The following SOBP variants were observed in gnomAD, a reference collection of about 807,000 sequenced individuals.
SOBP encodes sine oculis binding protein homolog, also known as sine oculis-binding protein homolog.
Under a neutral mutation model 53.6 loss-of-function variants are expected in SOBP, and 4 were observed. The ratio of observed to expected loss-of-function variants is 0.07; its 90% CI spans 0.04 to 0.17. The LOEUF (loss-of-function observed/expected upper bound fraction) is 0.17. SOBP is among the 10% of genes least tolerant of loss of function. The pLI is 1.00. For synonymous variants in SOBP, 584 were observed against 522.6 expected, an observed-to-expected ratio of 1.12 and a Z score of -1.60; for missense variants, 1,088 against 1,204.7, an observed-to-expected ratio of 0.90 and a Z score of 1.43.
intron 3 of SOBP, among the ~76,000 whole-genome samples, chr6:107,519,536 C>T (rs1266878047): frequency 6.6e-6 from 1 of 152,154 alleles, no homozygotes; most frequent in Non-Finnish European, 1.5e-5. Context: ...ATACGTCTCT[C>T]GCTTCCTGCT....
chr6:107,610,267 C>T (rs1786541191), intron 5 of SOBP, among the ~76,000 whole-genome samples: 1 of 152,168 alleles, frequency 6.6e-6, no homozygotes. Context: ...CAAGACAGCC[C>T]ACCCAGGGCT....
At chr6:107,654,521 C>T (rs896070712) in intron 6 of SOBP, among the ~76,000 whole-genome samples, 3 of 152,186 alleles carry the variant, frequency 2.0e-5, no homozygotes, top group Non-Finnish European at 2.9e-5. Context: ...AGTTCATGGG[C>T]TTCCTTGTAT....
chr6:107,587,957 T>C (rs910496622), intron 5 of SOBP, among the ~76,000 whole-genome samples: 1 of 152,216 alleles, frequency 6.6e-6, no homozygotes, highest in Admixed American at 6.5e-5. Flanking sequence ...ATTTAGAGAT[T>C]CAAACACTCC....
intron 1 of SOBP, among the ~76,000 whole-genome samples, chr6:107,495,738 G>A (rs1304926048): frequency 6.6e-6 from 1 of 152,152 alleles, no homozygotes; most frequent in Non-Finnish European, 1.5e-5. Context: ...CTCTCTAAAA[G>A]GGAGAGTTCT....
At chr6:107,538,411 A>G (rs1420558954) in intron 4 of SOBP, among the ~76,000 whole-genome samples, 1 of 152,218 alleles carries the variant, frequency 6.6e-6, no homozygotes, top group Admixed American at 6.5e-5. Context: ...ATTACTTGCA[A>G]TTAATGTCCC....
intron 3 of SOBP, among the ~76,000 whole-genome samples, chr6:107,532,271 A>C (rs9486643): frequency 4.5e-4 from 51 of 113,776 alleles, no homozygotes; most frequent in African/African-American, 1.4e-3. Flanking sequence ...ACACACACAC[A>C]CCACACACAC....
chr6:107,548,708 G>A (rs1784377859), intron 4 of SOBP, among the ~76,000 whole-genome samples: 2 of 151,970 alleles, frequency 1.3e-5, no homozygotes, highest in African/African-American at 4.8e-5. Context: ...AGGCTGAGGT[G>A]GGAGGATCAC....
chr6:107,573,922 A>G lies in SOBP; in HGVS notation c.574-13158A>G, dbSNP rs542075315. Reference sequence around the variant, plus strand: ...CATTGAACTTAAAAAATTAAAATGTATGGAGCATGTGGGCTGAATACCATT... The same window carrying G: ...CATTGAACTTAAAAAATTAAAATGTGTGGAGCATGTGGGCTGAATACCATT... On this transcript the variant is annotated intron_variant, in intron 4 of 6. Transcript: ENST00000317357. 3.3e-5 allele frequency among the ~76,000 whole-genome samples: 5 copies of G among 152,320 alleles called. No homozygotes were observed. In the South Asian group the frequency reaches 6.2e-4, roughly 19 times the overall value.
chr6:107,538,082 T>C (rs1784054509), intron 4 of SOBP, among the ~76,000 whole-genome samples: 1 of 152,224 alleles, frequency 6.6e-6, no homozygotes, highest in Admixed American at 6.5e-5. Flanking sequence ...ACTATATTCT[T>C]GGTTATACAG....
intron 5 of SOBP, among the ~76,000 whole-genome samples, chr6:107,632,149 C>T (rs1020258428): frequency 1.1e-4 from 17 of 152,000 alleles, no homozygotes; most frequent in African/African-American, 2.4e-4. Flanking sequence ...AAAACCAACA[C>T]GCACCAACAA....
intron 4 of SOBP, 108 bp from the exon 5 acceptor site, chr6:107,586,972 G>A: frequency 2.3e-6 from 2 of 851,506 alleles, no homozygotes; most frequent in Non-Finnish European, 4.0e-6. Context: ...TAATATTGTT[G>A]TTATTTCTGG....
intron 4 of SOBP, among the ~76,000 whole-genome samples, chr6:107,536,435 G>A (rs1270057590): frequency 6.6e-6 from 1 of 152,120 alleles, no homozygotes; most frequent in Non-Finnish European, 1.5e-5. Flanking sequence ...GAATTGATTT[G>A]CTGCTGAAAA....
At chr6:107,630,741 ACACACTCTGT>A (rs763357194) in intron 5 of SOBP, among the ~76,000 whole-genome samples, 2 of 112,694 alleles carry the variant, frequency 1.8e-5, no homozygotes, top group South Asian at 3.1e-4. Flanking sequence ...ACACACACAC[ACACACTCTGT>A]CTCTCTCTCT....
chr6:107,545,094 C>G (rs913875027), intron 4 of SOBP, among the ~76,000 whole-genome samples: 1 of 152,006 alleles, frequency 6.6e-6, no homozygotes, highest in African/African-American at 2.4e-5. Flanking sequence ...AAAGATTGGG[C>G]AAAAATGCAC....
At chr6:107,519,121 C>T (rs551267282) in intron 3 of SOBP, among the ~76,000 whole-genome samples, 17 of 148,622 alleles carry the variant, frequency 1.1e-4, no homozygotes, top group Admixed American at 2.7e-4. Context: ...AATTAGGAGA[C>T]ACTGGGTGAG....
At chr6:107,612,854 A>G (rs1187753056) in intron 5 of SOBP, among the ~76,000 whole-genome samples, 1 of 152,126 alleles carries the variant, frequency 6.6e-6, no homozygotes, top group Non-Finnish European at 1.5e-5. Context: ...TGGCCTTTTT[A>G]GTCTGGTTTA....
At position 107,582,527 on chromosome 6, in the gene SOBP, C is replaced by T. The variant is rs1299524787; in HGVS notation, c.574-4553C>T. ...ACAGGGAAATCCGCTTGCAGTTTAACTGAAGGATTTTTGTTTCTGTTATGG... is the reference window on the plus strand; with the variant it reads ...ACAGGGAAATCCGCTTGCAGTTTAATTGAAGGATTTTTGTTTCTGTTATGG... On this transcript the variant is annotated intron_variant, in intron 4 of 6. Transcript: ENST00000317357. 4.0e-5 allele frequency among the ~76,000 whole-genome samples: 6 copies of T among 150,118 alleles called. 1 individual carries two copies. Among genetic ancestry groups the T allele is most frequent in the South Asian group, 2.1e-4 (1 of 4,756 alleles).
chr6:107,561,828 A>G (rs1304171537), intron 4 of SOBP, among the ~76,000 whole-genome samples: 1 of 152,192 alleles, frequency 6.6e-6, no homozygotes, highest in Non-Finnish European at 1.5e-5. Context: ...GCTTAGATGG[A>G]GTAATTATTA....
At chr6:107,495,671 T>C (rs2114933743) in intron 1 of SOBP, among the ~76,000 whole-genome samples, 1 of 152,236 alleles carries the variant, frequency 6.6e-6, no homozygotes, top group Non-Finnish European at 1.5e-5. Context: ...ACAGAATTTT[T>C]AAAGGAAAGT....
Sources: gnomAD v4.1 joint callset for allele counts (sites outside exome capture counted in the v4.1 genomes callset) on GRCh38, gnomAD v4.1.1 for gene constraint, MANE v1.5 for transcripts, NCBI Gene and HGNC (gene_info 2026-07-23, HGNC 2026-07-21) for gene names.